The following DTNBP1 variants were observed in gnomAD, a reference collection of about 807,000 sequenced individuals.
DTNBP1 encodes the protein dystrobrevin binding protein 1.
Under a neutral mutation model 42.8 loss-of-function variants are expected in DTNBP1, and 35 were observed. The observed-to-expected ratio is 0.82, with a 90% confidence interval of 0.63 to 1.09. DTNBP1 has a LOEUF of 1.09. Among genes scored for constraint, DTNBP1 ranks in the 50% least tolerant of loss-of-function variants. The pLI, the probability that DTNBP1 is intolerant of heterozygous loss-of-function variation, is 0.00. For missense variants in DTNBP1, 457 were observed against 424.2 expected, an observed-to-expected ratio of 1.08 and a Z score of -0.68; for synonymous variants, 171 against 162.2, an observed-to-expected ratio of 1.05 and a Z score of -0.41.
chr6:15,590,980 GA>G (rs1369359097), intron 7 of DTNBP1, among the ~76,000 whole-genome samples: 1 of 151,980 alleles, frequency 6.6e-6, no homozygotes, highest in Non-Finnish European at 1.5e-5. Flanking sequence ...CCTGCAACCT[GA>G]AAAGGAAAAA....
chr6:15,636,500 A>G (rs1402830065), intron 4 of DTNBP1, among the ~76,000 whole-genome samples: 2 of 152,124 alleles, frequency 1.3e-5, no homozygotes, highest in East Asian at 3.9e-4. Flanking sequence ...CAGGAAATAT[A>G]ACTTAGAACC....
chr6:15,555,036 A>AG (rs891257438), intron 7 of DTNBP1, among the ~76,000 whole-genome samples: 15 of 151,386 alleles, frequency 9.9e-5, no homozygotes, highest in African/African-American at 3.4e-4. Context: ...TTAGCCAGGG[A>AG]GGGGGGCATA....
chr6:15,604,607 A>C (rs1757917548), intron 6 of DTNBP1, among the ~76,000 whole-genome samples: 1 of 152,164 alleles, frequency 6.6e-6, no homozygotes, highest in African/African-American at 2.4e-5. Context: ...CATTTCTTGA[A>C]GCTCAGGAAT....
chr6:15,570,188 C>T (rs1238779223), intron 7 of DTNBP1, among the ~76,000 whole-genome samples: 1 of 151,792 alleles, frequency 6.6e-6, no homozygotes, highest in Admixed American at 6.6e-5. Context: ...AAAAAAAAGA[C>T]CATTTACCCA....
intron 7 of DTNBP1, among the ~76,000 whole-genome samples, chr6:15,586,890 TC>T (rs1581363542): frequency 6.6e-6 from 1 of 152,212 alleles, no homozygotes; most frequent in Non-Finnish European, 1.5e-5. Context: ...TATCACATTT[TC>T]CTCTTTGCCT....
intron 6 of DTNBP1, among the ~76,000 whole-genome samples, chr6:15,613,135 C>T (rs796987034): frequency 3.9e-5 from 6 of 151,902 alleles, no homozygotes; most frequent in Admixed American, 1.3e-4. Context: ...CGGTGAAACT[C>T]CATCTCTACT....
At chr6:15,634,768 A>G (rs1361741689) in intron 4 of DTNBP1, among the ~76,000 whole-genome samples, 1 of 152,198 alleles carries the variant, frequency 6.6e-6, no homozygotes, top group African/African-American at 2.4e-5. Context: ...CTTCCATCTT[A>G]CATGCTTTGT....
At chr6:15,573,453 A>C (rs1775424714) in intron 7 of DTNBP1, among the ~76,000 whole-genome samples, 1 of 152,186 alleles carries the variant, frequency 6.6e-6, no homozygotes, top group African/African-American at 2.4e-5. Context: ...GTCAGTCTAT[A>C]AACAATACTA....
At chr6:15,619,190 T>C (rs1758897926) in intron 5 of DTNBP1, among the ~76,000 whole-genome samples, 1 of 152,174 alleles carries the variant, frequency 6.6e-6, no homozygotes, top group South Asian at 2.1e-4. Context: ...TTACTGTACA[T>C]GTTCAAATAG....
chr6:15,596,256 A>G (rs889466210), intron 6 of DTNBP1, among the ~76,000 whole-genome samples: 3 of 152,188 alleles, frequency 2.0e-5, no homozygotes, highest in African/African-American at 7.2e-5. Flanking sequence ...TTTGGAGGGC[A>G]ATGCATGAGT....
At chr6:15,557,622 A>T (rs189376706) in intron 7 of DTNBP1, among the ~76,000 whole-genome samples, 1 of 152,284 alleles carries the variant, frequency 6.6e-6, no homozygotes, top group Non-Finnish European at 1.5e-5. Flanking sequence ...ACAAAGGTGA[A>T]ATCTGGCCCA....
At chr6:15,626,118 T>C (rs947033919) in intron 5 of DTNBP1, among the ~76,000 whole-genome samples, 6 of 152,236 alleles carry the variant, frequency 3.9e-5, no homozygotes, top group African/African-American at 1.4e-4. Context: ...TGCCTCATAC[T>C]GATATTGAGG....
intron 7 of DTNBP1, among the ~76,000 whole-genome samples, chr6:15,546,640 G>A (rs1773896851): frequency 6.6e-6 from 1 of 152,160 alleles, no homozygotes; most frequent in Admixed American, 6.5e-5. Context: ...AAATGGATCA[G>A]TAAGAAATGC....
intron 6 of DTNBP1, among the ~76,000 whole-genome samples, chr6:15,596,750 C>A (rs1428073617): frequency 4.6e-5 from 7 of 152,200 alleles, no homozygotes; most frequent in African/African-American, 1.7e-4. Context: ...CTTCTTTGAG[C>A]TCCAGACTCA....
At chr6:15,618,723 G>A (rs1758864192) in intron 5 of DTNBP1, among the ~76,000 whole-genome samples, 1 of 152,016 alleles carries the variant, frequency 6.6e-6, no homozygotes. Flanking sequence ...CACTACTATC[G>A]GGAATACAGC....
At chr6:15,660,869 A>G (rs909804294) in intron 1 of DTNBP1, among the ~76,000 whole-genome samples, 38 of 152,278 alleles carry the variant, frequency 2.5e-4, no homozygotes, top group African/African-American at 9.1e-4. Flanking sequence ...AATTCCATGA[A>G]GTACTAACAG....
intron 7 of DTNBP1, among the ~76,000 whole-genome samples, chr6:15,545,389 G>A (rs771921774): frequency 2.0e-5 from 3 of 152,058 alleles, no homozygotes; most frequent in Admixed American, 1.3e-4. Flanking sequence ...CCTCAGAATT[G>A]GCATTTGGAA....
chr6:15,585,049 T>A (rs1025008483), intron 7 of DTNBP1, among the ~76,000 whole-genome samples: 5 of 135,834 alleles, frequency 3.7e-5, no homozygotes, highest in South Asian at 2.2e-4. Context: ...TGAAGTTATA[T>A]GAAATTATGA....
intron 1 of DTNBP1, chr6:15,660,587 C>A (rs1351322805): frequency 1.6e-6 from 2 of 1,277,946 alleles, no homozygotes; most frequent in African/African-American, 3.1e-5. Context: ...TCCAAAATGG[C>A]CCCAGACTAC....
Sources: gnomAD v4.1 joint callset for allele counts (sites outside exome capture counted in the v4.1 genomes callset) on GRCh38, gnomAD v4.1.1 for gene constraint, MANE v1.5 for transcripts, NCBI Gene and HGNC (gene_info 2026-07-23, HGNC 2026-07-21) for gene names.